MBNL1: variants seen among roughly 807,000 people sequenced by gnomAD.
MBNL1 encodes muscleblind like splicing regulator 1.
MBNL1 carries 8 observed loss-of-function variants against 42.2 expected under a neutral mutation model. That is an observed-to-expected ratio of 0.19 (90% CI 0.11 to 0.34). The LOEUF is 0.34. Among genes scored for constraint, MBNL1 ranks in the 10% least tolerant of loss-of-function variants. The probability of loss-of-function intolerance (pLI) is 1.00; values close to 1 mark genes in which losing one functional copy is unlikely to be tolerated. For missense variants in MBNL1, 309 were observed against 495.3 expected (o/e 0.62, Z 3.57); for synonymous variants, 169 against 173.9 (o/e 0.97, Z 0.22).
chr3:152,275,737 T>G (rs1240334213), intron 1 of MBNL1, among the ~76,000 whole-genome samples: 1 of 130,704 alleles, frequency 7.7e-6, no homozygotes, highest in Non-Finnish European at 1.6e-5. Context: ...AAAAAAAGGC[T>G]AATGTTTATA....
chr3:152,351,070 T>G (rs1197032599), intron 2 of MBNL1, among the ~76,000 whole-genome samples: 1 of 151,516 alleles, frequency 6.6e-6, no homozygotes, highest in East Asian at 1.9e-4. Context: ...CAGATTATTA[T>G]GTATCAGACT....
chr3:152,368,837 T>A (rs1239642156), intron 2 of MBNL1, among the ~76,000 whole-genome samples: 2 of 152,236 alleles, frequency 1.3e-5, no homozygotes, highest in African/African-American at 4.8e-5. Context: ...ATAGGAATGC[T>A]TGTGATTTCT....
At chr3:152,269,316 G>C (rs905022587) in intron 1 of MBNL1, 26 of 348,066 alleles carry the variant, frequency 7.5e-5, no homozygotes, top group Non-Finnish European at 1.4e-4. Context: ...TCCCTGCCGC[G>C]GGCTCTGCGG....
chr3:152,284,389 G>A (rs1236078999), intron 1 of MBNL1, among the ~76,000 whole-genome samples: 1 of 151,758 alleles, frequency 6.6e-6, no homozygotes, highest in African/African-American at 2.4e-5. Flanking sequence ...CTTAATATTT[G>A]TGATTTCTCT....
At chr3:152,327,353 C>CT (rs919392773) in intron 2 of MBNL1, among the ~76,000 whole-genome samples, 8 of 150,180 alleles carry the variant, frequency 5.3e-5, no homozygotes, top group South Asian at 2.1e-4. Context: ...TTCTTTCTTT[C>CT]TTTTTTTTTA....
intron 2 of MBNL1, among the ~76,000 whole-genome samples, chr3:152,342,917 TATAA>T (rs1378147338): frequency 2.0e-5 from 3 of 152,214 alleles, no homozygotes; most frequent in African/African-American, 7.2e-5. Flanking sequence ...TTGATATAGA[TATAA>T]ATGTTTCTTT....
At chr3:152,414,649 C>T (rs1433976530) in intron 2 of MBNL1, among the ~76,000 whole-genome samples, 1 of 152,056 alleles carries the variant, frequency 6.6e-6, no homozygotes, top group Non-Finnish European at 1.5e-5. Flanking sequence ...TAGTATTACC[C>T]TAGCAGTTTG....
At chr3:152,314,353 A>G (rs1056278188) in intron 2 of MBNL1, among the ~76,000 whole-genome samples, 5 of 151,676 alleles carry the variant, frequency 3.3e-5, no homozygotes, top group Admixed American at 6.6e-5. Flanking sequence ...TAGCCTGTTG[A>G]AATGGTCCGT....
At chr3:152,345,438 A>G (rs2152908350) in intron 2 of MBNL1, among the ~76,000 whole-genome samples, 1 of 152,246 alleles carries the variant, frequency 6.6e-6, no homozygotes, top group Admixed American at 6.5e-5. Context: ...GAAGTGTTAT[A>G]AATAAAGTGA....
At chr3:152,397,479 T>G (rs2098017463) in intron 2 of MBNL1, among the ~76,000 whole-genome samples, 1 of 152,178 alleles carries the variant, frequency 6.6e-6, no homozygotes, top group African/African-American at 2.4e-5. Context: ...CTTCCTGTGT[T>G]AGTTTGCTGA....
At chr3:152,277,913 T>A (rs949162401) in intron 1 of MBNL1, among the ~76,000 whole-genome samples, 2 of 152,110 alleles carry the variant, frequency 1.3e-5, no homozygotes, top group African/African-American at 4.8e-5. Context: ...TCTTTAAATA[T>A]AGCATGTTTC....
At chr3:152,351,058 G>A (rs1270003393) in intron 2 of MBNL1, among the ~76,000 whole-genome samples, 1 of 151,918 alleles carries the variant, frequency 6.6e-6, no homozygotes, top group Non-Finnish European at 1.5e-5. Context: ...TAATGAATGG[G>A]GCAGATTATT....
chr3:152,350,209 A>G (rs2094797649), intron 2 of MBNL1, among the ~76,000 whole-genome samples: 1 of 152,166 alleles, frequency 6.6e-6, no homozygotes, highest in Non-Finnish European at 1.5e-5. Context: ...CAAAAGAGAA[A>G]AACATTCAGA....
In MBNL1 at chr3:152,465,500, C is replaced by T. The variant is rs554886340; in HGVS notation, c.*3134C>T. 1 of 152,720 alleles carries T rather than the reference C, an allele frequency of 6.5e-6. No homozygotes were observed. Among genetic ancestry groups the T allele is most frequent in the African/African-American group, 2.4e-5 (1 of 41,570 alleles). The allele number at this position is 152,720 out of a possible 1,614,324, so 9.5% of individuals were successfully genotyped here. ...AAAATGCAAAATGTGATAATGGGCA[C>T]TTGTTTAAAAGAATTAGTGTATCCA... is the stretch of plus-strand genomic sequence containing the variant. On this transcript the variant is annotated 3_prime_UTR_variant, in exon 10 of 10. Coordinates refer to ENST00000324210, the MANE Select transcript of MBNL1 (RefSeq NM_021038.5).
At chr3:152,314,620 C>T (rs1363263615) in intron 2 of MBNL1, among the ~76,000 whole-genome samples, 1 of 152,196 alleles carries the variant, frequency 6.6e-6, no homozygotes, top group Non-Finnish European at 1.5e-5. Context: ...GGCGATCCGC[C>T]TGTCTCAGCC....
chr3:152,422,910 A>T (rs2098830577), intron 3 of MBNL1, among the ~76,000 whole-genome samples: 2 of 152,220 alleles, frequency 1.3e-5, no homozygotes, highest in Non-Finnish European at 2.9e-5. Flanking sequence ...GAGAACAAAG[A>T]CACAATGTAC....
chr3:152,322,730 G>A (rs2077160940), intron 2 of MBNL1, among the ~76,000 whole-genome samples: 1 of 151,756 alleles, frequency 6.6e-6, no homozygotes, highest in Non-Finnish European at 1.5e-5. Flanking sequence ...ACATTTTTCT[G>A]GCATTTTTTA....
At chr3:152,280,668 A>G (rs537221043) in intron 1 of MBNL1, among the ~76,000 whole-genome samples, 132 of 152,298 alleles carry the variant, frequency 8.7e-4, no homozygotes, top group African/African-American at 3.0e-3. Context: ...AGAATTTTAA[A>G]TATGCACATG....
At chr3:152,308,128 G>C (rs1385907790) in intron 2 of MBNL1, among the ~76,000 whole-genome samples, 1 of 152,126 alleles carries the variant, frequency 6.6e-6, no homozygotes. Flanking sequence ...AAGTCATCGG[G>C]TCAACCCTGA....
Sources: gnomAD v4.1 joint callset for allele counts (sites outside exome capture counted in the v4.1 genomes callset) on GRCh38, gnomAD v4.1.1 for gene constraint, MANE v1.5 for transcripts, NCBI Gene and HGNC (gene_info 2026-07-23, HGNC 2026-07-21) for gene names.